MYLK: variants seen among roughly 807,000 people sequenced by gnomAD.
MYLK encodes the protein myosin light chain kinase, also known as myosin light chain kinase, smooth muscle.
In MYLK, 106 loss-of-function variants were observed where a neutral mutation model predicts 203.4. The ratio of observed to expected loss-of-function variants is 0.52; its 90% CI spans 0.45 to 0.61. The LOEUF (loss-of-function observed/expected upper bound fraction) is 0.61, where lower values mean the gene tolerates loss of function less well. Among genes scored for constraint, MYLK ranks in the 20% least tolerant of loss-of-function variants. MYLK has a pLI of 0.00. For synonymous variants in MYLK, 867 were observed against 959.5 expected (o/e 0.90, Z 1.78); for missense variants, 2,072 against 2,442.3 (o/e 0.85, Z 3.20).
intron 2 of MYLK, among the ~76,000 whole-genome samples, chr3:123,859,148 TAA>T (rs1232568744): frequency 6.6e-5 from 10 of 152,160 alleles, no homozygotes; most frequent in Non-Finnish European, 1.3e-4. Context: ...TTATAAAAAC[TAA>T]AAGAGTTCTG....
rs750914106 is a variant in MYLK, at chr3:123,724,507, C to T, written c.1651+1437G>A. The stretch of plus-strand genomic sequence containing the variant: ...GATCCAATAGGACTTCTGTCCTTTG[C>T]TAAGGGCTGGGAGGGAAGGCAGACC... On this transcript the variant is annotated intron_variant, in intron 12 of 33. Coordinates refer to ENST00000360304, the MANE Select transcript of MYLK (RefSeq NM_053025.4). 8.5e-5 allele frequency among the ~76,000 whole-genome samples: 13 copies of T among 152,178 alleles called. No homozygotes were observed. In the East Asian group the frequency reaches 1.9e-3, roughly 23 times the overall value.
chr3:123,637,815 G>A (rs2058696620), intron 29 of MYLK, among the ~76,000 whole-genome samples: 1 of 152,180 alleles, frequency 6.6e-6, no homozygotes, highest in Non-Finnish European at 1.5e-5. Flanking sequence ...TGGGGACAGT[G>A]AGCACCCAGA....
chr3:123,877,951 A>G (rs2033267993), intron 1 of MYLK, among the ~76,000 whole-genome samples: 1 of 152,212 alleles, frequency 6.6e-6, no homozygotes, highest in African/African-American at 2.4e-5. Context: ...CTAGCCCTAC[A>G]GAAGACATAA....
chr3:123,849,288 A>G (rs1242071343), intron 2 of MYLK, among the ~76,000 whole-genome samples: 4 of 152,134 alleles, frequency 2.6e-5, no homozygotes, highest in African/African-American at 7.2e-5. Context: ...CTTATTTTTC[A>G]TATGTTAAAT....
At chr3:123,709,922 G>A in intron 13 of MYLK, 29 bp from the exon 14 acceptor site, 1 of 1,613,014 alleles carries the variant, frequency 6.2e-7, no homozygotes, top group Non-Finnish European at 8.5e-7. Flanking sequence ...AACGTGGGGT[G>A]AACATTCATG....
chr3:123,882,431 T>A (rs989064753), intron 1 of MYLK, among the ~76,000 whole-genome samples: 6 of 151,860 alleles, frequency 4.0e-5, no homozygotes, highest in African/African-American at 1.5e-4. Context: ...AAAATAAAAA[T>A]AAAAATAAGA....
intron 4 of MYLK, among the ~76,000 whole-genome samples, chr3:123,788,135 G>A (rs2064614208): frequency 6.6e-6 from 1 of 152,178 alleles, no homozygotes; most frequent in Non-Finnish European, 1.5e-5. Context: ...GTAGCAGAAG[G>A]AAGGATGAAC....
intron 23 of MYLK, among the ~76,000 whole-genome samples, chr3:123,660,503 G>A (rs566119366): frequency 3.2e-4 from 49 of 152,240 alleles, no homozygotes; most frequent in Middle Eastern, 3.4e-3. Context: ...GACCAGGGGC[G>A]CATGTGCAGG....
intron 23 of MYLK, among the ~76,000 whole-genome samples, chr3:123,659,473 G>A (rs188868672): frequency 1.3e-5 from 2 of 152,258 alleles, no homozygotes; most frequent in Admixed American, 6.5e-5. Flanking sequence ...AATTTGGGGC[G>A]AGGGACTTTA....
At position 123,764,095 on chromosome 3, in the gene MYLK, C is replaced by T. The variant is rs538531700; in HGVS notation, c.166-11557G>A. Among the ~76,000 whole-genome samples the T allele has an allele frequency of 9.3e-4, 141 of 152,214 alleles. 3 individuals are homozygous for T. The South Asian group carries it at 0.017, about 18-fold the overall frequency. On this transcript the variant is annotated intron_variant, in intron 4 of 33. Coordinates refer to ENST00000360304, the MANE Select transcript of MYLK (RefSeq NM_053025.4). Reference sequence around the variant, plus strand: ...ACTTCAAAAAACCCTTTTTCAGTTTCTCAAAATTGTTTTGAATTGTCTTCT... The same window carrying T: ...ACTTCAAAAAACCCTTTTTCAGTTTTTCAAAATTGTTTTGAATTGTCTTCT...
Position 123,752,459 on chromosome 3 carries a change from T to TCCAG in MYLK, c.241_244dup (p.Asp82AlafsTer18), listed in dbSNP as rs2108881184. The TCCAG allele has an allele frequency of 6.2e-7, 1 of 1,614,186 alleles. No individual in the cohort carries two copies. The highest frequency in any genetic ancestry group is 8.5e-7 in the Non-Finnish European group (1 of 1,180,042). ...GCTGAAAGTCCCCCGGATGCCGCAA[T>TCCAG]CCAGCAGGAAGCGGCCCCCGCTGGT... On this transcript the variant is annotated frameshift_variant, in exon 5 of 34. Coordinates refer to ENST00000360304, the MANE Select transcript of MYLK (RefSeq NM_053025.4). LOFTEE classifies it high-confidence loss of function.
At position 123,734,205 on chromosome 3, in the gene MYLK, G is replaced by A; in HGVS notation, c.791C>T (p.Thr264Ile). ...DSANRSFVRE[T>I]KATNSDVRKE... The stretch of plus-strand genomic sequence containing the variant: ...CCTGACATCTGAATTGGTGGCTTTT[G>A]TTTCTCTCACAAATGACCTGTGTGG... The change falls in exon 10 of 34, where the codon ACA (threonine) becomes ATA (isoleucine). Residue 264 changes from threonine (T) to isoleucine (I), a missense_variant. Physicochemically the swap from Thr to Ile is moderately conservative, Grantham distance 89. Around this residue, in one of 3 missense-constraint regions of MYLK, gnomAD observed 683 missense variants for 643.8 expected, o/e 1.06. Coordinates refer to ENST00000360304, the MANE Select transcript of MYLK (RefSeq NM_053025.4). The A allele has an allele frequency of 1.6e-6, 2 of 1,228,798 alleles. No individual in the cohort carries two copies. Among genetic ancestry groups the A allele is most frequent in the Non-Finnish European group, 2.1e-6 (2 of 941,556 alleles). 76.1% of individuals were successfully genotyped at this position (1,228,798 alleles called of 1,614,324 possible).
At chr3:123,814,401 A>C (rs574123107) in intron 3 of MYLK, among the ~76,000 whole-genome samples, 1 of 152,276 alleles carries the variant, frequency 6.6e-6, no homozygotes, top group East Asian at 1.9e-4. Flanking sequence ...TCTTTACAGG[A>C]ATGTTGAACT....
intron 29 of MYLK, among the ~76,000 whole-genome samples, chr3:123,634,356 GCTGAGGAGCCCTGCAGTCAGACCCTGGT>G (rs1207066553): frequency 1.3e-5 from 2 of 152,196 alleles, no homozygotes; most frequent in East Asian, 3.9e-4. Flanking sequence ...ACTGGATCTG[GCTGAGGAGCCCTGCAGTCAGACCCTGGT>G]CTGAGGAGGC....
At chr3:123,806,226 A>G (rs1405383771) in intron 3 of MYLK, among the ~76,000 whole-genome samples, 1 of 152,230 alleles carries the variant, frequency 6.6e-6, no homozygotes, top group Non-Finnish European at 1.5e-5. Context: ...GCAGAATGTC[A>G]GCGATGAAAG....
At chr3:123,682,385 C>T (rs2060299393) in intron 19 of MYLK, 75 bp from the exon 20 acceptor site, 2 of 1,199,168 alleles carry the variant, frequency 1.7e-6, no homozygotes, top group Non-Finnish European at 2.4e-6. Context: ...CAGTCAAAAT[C>T]CCACCTCAGC....
At chr3:123,838,487 T>C (rs963758241) in intron 2 of MYLK, among the ~76,000 whole-genome samples, 1 of 152,144 alleles carries the variant, frequency 6.6e-6, no homozygotes, top group Admixed American at 6.5e-5. Flanking sequence ...ATGGTTAAAA[T>C]GAAGGTAAAT....
intron 1 of MYLK, among the ~76,000 whole-genome samples, chr3:123,879,734 A>C (rs2033401221): frequency 6.6e-6 from 1 of 152,190 alleles, no homozygotes; most frequent in Non-Finnish European, 1.5e-5. Flanking sequence ...TCCTGGGTTC[A>C]TGCCATTCTC....
chr3:123,756,373 G>T (rs534570911), intron 4 of MYLK, among the ~76,000 whole-genome samples: 4 of 152,292 alleles, frequency 2.6e-5, no homozygotes, highest in African/African-American at 9.6e-5. Flanking sequence ...GACAGGATTG[G>T]TGCCTGCCAG....
Sources: gnomAD v4.1 joint callset for allele counts (sites outside exome capture counted in the v4.1 genomes callset) on GRCh38, gnomAD v4.1.1 for gene constraint, gnomAD v4.1.1 regional missense constraint, MANE v1.5 for transcripts, NCBI Gene and HGNC (gene_info 2026-07-23, HGNC 2026-07-21) for gene names.